Variants in AGBL1 observed in about 807,000 individuals in gnomAD.
AGBL1 encodes cytosolic carboxypeptidase 4.
In AGBL1, 130 loss-of-function variants were observed where a neutral mutation model predicts 118.9. That is an observed-to-expected ratio of 1.09 (90% confidence interval 0.95 to 1.26). The LOEUF is 1.26. Among genes scored for constraint, AGBL1 ranks in the 50% most tolerant of loss-of-function variants. The pLI, the probability that AGBL1 is intolerant of heterozygous loss-of-function variation, is 0.00. For missense variants in AGBL1, 1,584 were observed against 1,298.1 expected, an observed-to-expected ratio of 1.22 and a Z score of -3.38; for synonymous variants, 555 against 478.9, an observed-to-expected ratio of 1.16 and a Z score of -2.08.
chr15:86,734,035 G>A (rs1317551781), intron 22 of AGBL1, among the ~76,000 whole-genome samples: 1 of 152,170 alleles, frequency 6.6e-6, no homozygotes, highest in African/African-American at 2.4e-5. Context: ...ATACCCTCAT[G>A]AGAAGGGGAG....
At chr15:86,591,310 A>G (rs1228558494) in intron 21 of AGBL1, among the ~76,000 whole-genome samples, 1 of 152,182 alleles carries the variant, frequency 6.6e-6, no homozygotes, top group African/African-American at 2.4e-5. Flanking sequence ...CAACCACTGG[A>G]CACCTGCTGG....
At chr15:86,970,128 C>T (rs574320041) in intron 23 of AGBL1, among the ~76,000 whole-genome samples, 9 of 151,876 alleles carry the variant, frequency 5.9e-5, no homozygotes, top group South Asian at 4.2e-4. Flanking sequence ...CTTTCAATTG[C>T]GGAGGAAGTG....
chr15:86,763,860 A>G (rs1481140195), intron 22 of AGBL1, among the ~76,000 whole-genome samples: 2 of 152,062 alleles, frequency 1.3e-5, no homozygotes, highest in Non-Finnish European at 2.9e-5. Context: ...CTTCTTGTGG[A>G]ATATTTATGG....
At chr15:86,889,006 A>C (rs2080012778) in intron 22 of AGBL1, among the ~76,000 whole-genome samples, 2 of 152,146 alleles carry the variant, frequency 1.3e-5, no homozygotes, top group African/African-American at 4.8e-5. Context: ...ACTAAAGGAG[A>C]CATCTATAAA....
chr15:86,870,887 G>T (rs975820769), intron 22 of AGBL1, among the ~76,000 whole-genome samples: 1 of 152,130 alleles, frequency 6.6e-6, no homozygotes, highest in South Asian at 2.1e-4. Context: ...AACAACATTG[G>T]AATTTTCCAA....
chr15:86,526,207 A>C (rs957898737), intron 19 of AGBL1, among the ~76,000 whole-genome samples: 1 of 145,354 alleles, frequency 6.9e-6, no homozygotes. Flanking sequence ...TAAAAGATCA[A>C]AAACAACAGA....
At chr15:86,462,570 T>C (rs2082347565) in intron 18 of AGBL1, among the ~76,000 whole-genome samples, 2 of 152,140 alleles carry the variant, frequency 1.3e-5, no homozygotes. Flanking sequence ...TTTCTCCTAA[T>C]ACTATCCCTC....
chr15:86,489,350 G>A (rs1392794962), intron 18 of AGBL1, among the ~76,000 whole-genome samples: 1 of 152,092 alleles, frequency 6.6e-6, no homozygotes, highest in Non-Finnish European at 1.5e-5. Flanking sequence ...ATCTGCTTGC[G>A]CTAATGATAG....
chr15:86,838,842 G>T (rs999368216), intron 22 of AGBL1, among the ~76,000 whole-genome samples: 2 of 149,160 alleles, frequency 1.3e-5, no homozygotes, highest in African/African-American at 2.5e-5. Flanking sequence ...TACTCGGGAG[G>T]CTGAGGTGGG....
chr15:86,324,627 G>T (rs2080156927), intron 17 of AGBL1, among the ~76,000 whole-genome samples: 1 of 152,126 alleles, frequency 6.6e-6, no homozygotes, highest in African/African-American at 2.4e-5. Context: ...CACACTAATG[G>T]GAGACAGTCG....
intron 17 of AGBL1, among the ~76,000 whole-genome samples, chr15:86,388,875 C>T (rs1304654755): frequency 6.6e-6 from 1 of 152,138 alleles, no homozygotes; most frequent in African/African-American, 2.4e-5. Flanking sequence ...TTCTCTGCTG[C>T]AAGGTGCTAT....
intron 22 of AGBL1, among the ~76,000 whole-genome samples, chr15:86,862,262 T>G (rs1425217527): frequency 6.6e-6 from 1 of 152,162 alleles, no homozygotes; most frequent in Non-Finnish European, 1.5e-5. Context: ...AACACATAAA[T>G]TATAACTTAC....
chr15:86,927,234 G>C lies in AGBL1; in HGVS notation c.3222-60753G>C, dbSNP rs139839088. ...TAGTATAATTGTAAAATGCTATTTAGGATAAACTGAGTATCTCTGTTCCTT... is the reference window on the plus strand; with the variant it reads ...TAGTATAATTGTAAAATGCTATTTACGATAAACTGAGTATCTCTGTTCCTT... On this transcript the variant is annotated intron_variant, in intron 23 of 24. Coordinates refer to the AGBL1 transcript ENST00000441037. 1.8e-3 allele frequency among the ~76,000 whole-genome samples: 269 copies of C among 152,198 alleles called. 2 individuals are homozygous for C. Among genetic ancestry groups the C allele is most frequent in the Admixed American group, 3.5e-3 (54 of 15,288 alleles).
At chr15:86,114,900 A>G (rs1008710036) in intron 1 of AGBL1, among the ~76,000 whole-genome samples, 1 of 152,212 alleles carries the variant, frequency 6.6e-6, no homozygotes, top group Non-Finnish European at 1.5e-5. Flanking sequence ...TCACTGTCAG[A>G]GTAGCCTGAG....
chr15:86,522,038 A>G (rs2142199437), intron 18 of AGBL1, among the ~76,000 whole-genome samples: 1 of 152,080 alleles, frequency 6.6e-6, no homozygotes, highest in Admixed American at 6.6e-5. Context: ...CTGCCTGACA[A>G]CTCAGCATCT....
At chr15:86,120,298 C>T (rs1248913795) in intron 1 of AGBL1, among the ~76,000 whole-genome samples, 1 of 152,180 alleles carries the variant, frequency 6.6e-6, no homozygotes, top group African/African-American at 2.4e-5. Context: ...CTTGTCTTTG[C>T]AACACTCTCC....
chr15:86,667,562 A>T (rs531533625), intron 21 of AGBL1, among the ~76,000 whole-genome samples: 15 of 152,184 alleles, frequency 9.9e-5, no homozygotes, highest in Non-Finnish European at 1.9e-4. Context: ...AGTTATTTAT[A>T]GGGATCTTGA....
intron 22 of AGBL1, among the ~76,000 whole-genome samples, chr15:86,831,878 C>T (rs2079109612): frequency 1.3e-5 from 2 of 152,198 alleles, no homozygotes; most frequent in Admixed American, 6.5e-5. Context: ...AGAGGTTCTC[C>T]ATGAGGATTC....
At chr15:86,949,265 G>C (rs1172267801) in intron 23 of AGBL1, among the ~76,000 whole-genome samples, 1 of 152,102 alleles carries the variant, frequency 6.6e-6, no homozygotes, top group Non-Finnish European at 1.5e-5. Context: ...ACAAAATCAA[G>C]ATGAAATTTG....
Sources: gnomAD v4.1 joint callset for allele counts (sites outside exome capture counted in the v4.1 genomes callset) on GRCh38, gnomAD v4.1.1 for gene constraint, MANE v1.5 for transcripts, NCBI Gene and HGNC (gene_info 2026-07-23, HGNC 2026-07-21) for gene names.